ALDH9A1: variants seen among roughly 807,000 people sequenced by gnomAD.
ALDH9A1 encodes aldehyde dehydrogenase 9 family member A1.
In ALDH9A1, 42 loss-of-function variants were observed where a neutral mutation model predicts 56.6. That is an observed-to-expected ratio of 0.74 (90% confidence interval 0.58 to 0.96). The LOEUF (loss-of-function observed/expected upper bound fraction) is 0.96, where lower values mean the gene tolerates loss of function less well. Among genes scored for constraint, ALDH9A1 ranks in the 40% least tolerant of loss-of-function variants. ALDH9A1 has a pLI of 0.00. For missense variants in ALDH9A1, 661 were observed against 651.5 expected (o/e 1.01, Z -0.16); for synonymous variants, 242 against 236.0 (o/e 1.03, Z -0.23).
intron 6 of ALDH9A1, 42 bp downstream of exon 6, chr1:165,679,400 G>A (rs1297221649): frequency 2.5e-6 from 4 of 1,605,742 alleles, no homozygotes; most frequent in African/African-American, 2.7e-5. Flanking sequence ...GGATGAGGGG[G>A]TAGAGATTCC....
In ALDH9A1 at chr1:165,667,313, T is replaced by C; in HGVS notation, c.1345A>G (p.Thr449Ala). The change falls in exon 9 of 11, where the codon ACC (threonine) becomes GCC (alanine). Residue 449 changes from threonine (T) to alanine (A), a missense_variant. Coordinates refer to ENST00000354775, the MANE Select transcript of ALDH9A1 (RefSeq NM_000696.4). ...TCAGTGTCCCACTCCACATACCTGG[T>C]AAAGACGCCAGCTGCTAGTCCAAAA... is the stretch of plus-strand genomic sequence containing the variant. ...TTFGLAAGVF[T>A]RDIQRAHRVV... The C allele has an allele frequency of 2.5e-6, 4 of 1,614,070 alleles. No individual in the cohort carries two copies. Among genetic ancestry groups the C allele is most frequent in the Non-Finnish European group, 3.4e-6 (4 of 1,179,952 alleles).
chr1:165,664,400 T>C (rs1198936991), intron 10 of ALDH9A1, among the ~76,000 whole-genome samples: 7 of 152,152 alleles, frequency 4.6e-5, no homozygotes, highest in Non-Finnish European at 1.0e-4. Context: ...CCTCAAACCT[T>C]CTCCTGATAT....
At chr1:165,677,718 C>A (rs111547233) in intron 6 of ALDH9A1, among the ~76,000 whole-genome samples, 181 of 152,018 alleles carry the variant, frequency 1.2e-3, no homozygotes, top group African/African-American at 4.3e-3. Flanking sequence ...ATTAGCCAGG[C>A]GTGGTGGCGG....
intron 4 of ALDH9A1, 37 bp downstream of exon 4, chr1:165,682,070 C>A (rs1212571000): frequency 6.2e-7 from 1 of 1,610,118 alleles, no homozygotes; most frequent in East Asian, 2.2e-5. Flanking sequence ...AGAGAATGAA[C>A]GAATGGCTCT....
At chr1:165,673,886 G>A (rs908196889) in intron 6 of ALDH9A1, among the ~76,000 whole-genome samples, 5 of 152,090 alleles carry the variant, frequency 3.3e-5, no homozygotes, top group Non-Finnish European at 7.4e-5. Flanking sequence ...AGGCTGGGAC[G>A]TACTGGACTG....
intron 9 of ALDH9A1, among the ~76,000 whole-genome samples, chr1:165,666,194 G>A (rs1317077568): frequency 6.6e-6 from 1 of 152,142 alleles, no homozygotes; most frequent in Non-Finnish European, 1.5e-5. Flanking sequence ...TGTTCAGAAT[G>A]GGCAAATCCA....
intron 2 of ALDH9A1, among the ~76,000 whole-genome samples, chr1:165,692,504 C>A (rs1649926103): frequency 6.6e-6 from 1 of 152,126 alleles, no homozygotes; most frequent in African/African-American, 2.4e-5. Context: ...ATCCAACTTA[C>A]AAGGGATGTG....
chr1:165,694,024 T>C (rs1649982192), intron 2 of ALDH9A1, among the ~76,000 whole-genome samples: 1 of 144,886 alleles, frequency 6.9e-6, no homozygotes, highest in South Asian at 2.2e-4. Flanking sequence ...ATGAGATCAC[T>C]TGGACACAGG....
intron 2 of ALDH9A1, among the ~76,000 whole-genome samples, chr1:165,684,127 C>T (rs1649638448): frequency 6.6e-6 from 1 of 152,128 alleles, no homozygotes; most frequent in South Asian, 2.1e-4. Flanking sequence ...ATATGAAATA[C>T]AAGAAAGGAC....
chr1:165,686,094 C>A (rs936526729), intron 2 of ALDH9A1, among the ~76,000 whole-genome samples: 1 of 152,040 alleles, frequency 6.6e-6, no homozygotes, highest in African/African-American at 2.4e-5. Context: ...GAGCTTCTAG[C>A]CAAGATGGAT....
intron 6 of ALDH9A1, chr1:165,671,785 A>G: frequency 3.8e-6 from 1 of 263,770 alleles, no homozygotes; most frequent in Non-Finnish European, 7.6e-6. Context: ...AAACAAAAAA[A>G]AAAGAATGCA....
intron 6 of ALDH9A1, among the ~76,000 whole-genome samples, chr1:165,675,616 G>T (rs1198071909): frequency 6.6e-6 from 1 of 152,112 alleles, no homozygotes; most frequent in African/African-American, 2.4e-5. Context: ...ATCTGTTTTT[G>T]TAAAATTCTG....
At position 165,698,523 on chromosome 1, in the gene ALDH9A1, C is replaced by T. The variant is rs1156291792; in HGVS notation, c.36G>A (p.Pro12=). 6.2e-7 allele frequency: 1 copy of T among 1,610,046 alleles called. No individual in the cohort carries two copies. Residue 12 remains proline (P), a synonymous_variant, in exon 1 of 11, where the codon CCG becomes CCA. Coordinates refer to ENST00000354775, the MANE Select transcript of ALDH9A1 (RefSeq NM_000696.4). ...FLRAGLAALS[P]LLRSLRPSPV... ...GAGAGGGCCGAAGACTGCGAAGAAGCGGGGAGAGCGCGGCCAGGCCTGCTC... is the reference window on the plus strand; with the variant it reads ...GAGAGGGCCGAAGACTGCGAAGAAGTGGGGAGAGCGCGGCCAGGCCTGCTC...
At chr1:165,683,189 TG>T in intron 2 of ALDH9A1, 79 bp from the exon 3 acceptor site, 2 of 1,425,564 alleles carry the variant, frequency 1.4e-6, no homozygotes, top group Non-Finnish European at 9.7e-7. Flanking sequence ...TAGAACACAC[TG>T]CTCAATTTTT....
chr1:165,697,504 T>C (rs1042633732), intron 1 of ALDH9A1, among the ~76,000 whole-genome samples: 6 of 152,208 alleles, frequency 3.9e-5, no homozygotes, highest in African/African-American at 1.4e-4. Context: ...AAGAAAGTAC[T>C]GAATAAAGGT....
At chr1:165,668,809 G>A in intron 8 of ALDH9A1, 117 bp downstream of exon 8, 2 of 769,750 alleles carry the variant, frequency 2.6e-6, no homozygotes, top group South Asian at 1.9e-5. Flanking sequence ...TTGGGTAGTA[G>A]GACCACATAA....
At chr1:165,669,667 G>A (rs774049711) in intron 6 of ALDH9A1, among the ~76,000 whole-genome samples, 1 of 152,026 alleles carries the variant, frequency 6.6e-6, no homozygotes, top group Non-Finnish European at 1.5e-5. Context: ...TGCCCTTTGA[G>A]GTAAAAGTTA....
chr1:165,672,044 C>T (rs1406565309), intron 6 of ALDH9A1, among the ~76,000 whole-genome samples: 1 of 152,194 alleles, frequency 6.6e-6, no homozygotes, highest in Non-Finnish European at 1.5e-5. Context: ...CATTGTAGGG[C>T]ACAGTACAGT....
At chr1:165,669,229 C>T in intron 7 of ALDH9A1, 33 bp downstream of exon 7, 1 of 1,564,416 alleles carries the variant, frequency 6.4e-7, no homozygotes, top group Non-Finnish European at 8.7e-7. Flanking sequence ...TATAATCTTC[C>T]CCAACCCCAC....
Sources: gnomAD v4.1 joint callset for allele counts (sites outside exome capture counted in the v4.1 genomes callset) on GRCh38, gnomAD v4.1.1 for gene constraint, MANE v1.5 for transcripts, NCBI Gene and HGNC (gene_info 2026-07-23, HGNC 2026-07-21) for gene names.